The following TRPV4 variants were observed in gnomAD, a reference collection of about 807,000 sequenced individuals.
The protein encoded by TRPV4 is transient receptor potential cation channel subfamily V member 4.
Under a neutral mutation model 84.1 loss-of-function variants are expected in TRPV4, and 58 were observed. The observed-to-expected ratio is 0.69, with a 90% CI of 0.56 to 0.86. The LOEUF is 0.86. Among genes scored for constraint, TRPV4 ranks in the 40% least tolerant of loss-of-function variants. The pLI is 0.00. For missense variants in TRPV4, 879 were observed against 1,181.1 expected, an observed-to-expected ratio of 0.74 and a Z score of 3.75; for synonymous variants, 489 against 500.9, an observed-to-expected ratio of 0.98 and a Z score of 0.32.
At chr12:109,809,425 GATCCATCC>G (rs138769482) in intron 2 of TRPV4, among the ~76,000 whole-genome samples, 1 of 91,050 alleles carries the variant, frequency 1.1e-5, no homozygotes, top group African/African-American at 4.2e-5. Flanking sequence ...ATCCCTCACT[GATCCATCC>G]ATCCATCCAC....
rs948400720 is a variant in TRPV4 at position 109,783,513 on chromosome 12, C to T, written c.*108G>A. ...CTCCCTGGCACCTCCACTGGTCCCT[C>T]GCCTCTGGGGCCAAAGCAGGGTGTG... is the stretch of plus-strand genomic sequence containing the variant. On this transcript the variant is annotated 3_prime_UTR_variant, in exon 16 of 16. Transcript: ENST00000261740. This position sits in a 1 kb window ranked among gnomAD's most constrained non-coding sequence, Gnocchi z 4.6. The T allele has an allele frequency of 8.9e-6, 13 of 1,454,290 alleles. No homozygotes were observed. Among genetic ancestry groups the T allele is most frequent in the African/African-American group, 2.8e-5 (2 of 71,504 alleles). The allele number at this position is 1,454,290 out of a possible 1,614,324, so 90.1% of individuals were successfully genotyped here.
chr12:109,801,779 A>G (rs1467207873), intron 4 of TRPV4, among the ~76,000 whole-genome samples: 1 of 152,136 alleles, frequency 6.6e-6, no homozygotes, highest in African/African-American at 2.4e-5. Context: ...GCAGTGAGCC[A>G]TGATCACACC....
Position 109,808,390 on chromosome 12 carries a change from A to G in TRPV4, c.465T>C (p.Phe155=), listed in dbSNP as rs776500475. 2.4e-5 allele frequency: 39 copies of G among 1,614,190 alleles called. No individual in the cohort carries two copies. Among genetic ancestry groups the G allele is most frequent in the Non-Finnish European group, 3.0e-5 (35 of 1,180,026 alleles). ...ILKVFNRPIL[F]DIVSRGSTAD... ...CAGTGGAGCCCCGGGACACGATGTC[A>G]AAGAGGATAGGCCGGTTGAAGACTT... is the stretch of plus-strand genomic sequence containing the variant. The change falls in exon 3 of 16, where the codon TTT becomes TTC. Residue 155 remains phenylalanine, a synonymous_variant. Transcript: ENST00000261740.
intron 3 of TRPV4, among the ~76,000 whole-genome samples, chr12:109,804,159 T>C (rs1890981224): frequency 1.3e-5 from 2 of 152,242 alleles, no homozygotes; most frequent in African/African-American, 4.8e-5. Flanking sequence ...CGTTTGGTAC[T>C]AGCGGGTCCT....
chr12:109,791,654 TG>T (rs1385146445), intron 12 of TRPV4, among the ~76,000 whole-genome samples: 1 of 151,312 alleles, frequency 6.6e-6, no homozygotes, highest in East Asian at 2.0e-4. Context: ...GTCTAATTTT[TG>T]TATTTTTTGG....
chr12:109,808,852 T>G (rs1260297277), intron 2 of TRPV4, among the ~76,000 whole-genome samples: 2 of 138,174 alleles, frequency 1.4e-5, no homozygotes, highest in Non-Finnish European at 3.1e-5. Context: ...CATCCATCCA[T>G]CCATCTACCC....
At chr12:109,788,322 G>A (rs1211019977) in intron 13 of TRPV4, 78 bp downstream of exon 13, 22 of 1,433,510 alleles carry the variant, frequency 1.5e-5, no homozygotes, top group Non-Finnish European at 1.8e-5. Flanking sequence ...GTGGAAGGCC[G>A]AGGAAGCCAG....
chr12:109,795,714 A>T (rs2136494577), intron 7 of TRPV4, among the ~76,000 whole-genome samples: 1 of 152,246 alleles, frequency 6.6e-6, no homozygotes, highest in South Asian at 2.1e-4. Context: ...AATACTGCTA[A>T]GTAGGGAAAA....
intron 1 of TRPV4, among the ~76,000 whole-genome samples, chr12:109,817,463 C>A (rs1277321626): frequency 6.6e-6 from 1 of 152,138 alleles, no homozygotes; most frequent in Admixed American, 6.5e-5. Flanking sequence ...TGCCTGCACC[C>A]TCCTCCCCTC....
chr12:109,820,788 G>T (rs1892069881), intron 1 of TRPV4, among the ~76,000 whole-genome samples: 1 of 152,142 alleles, frequency 6.6e-6, no homozygotes, highest in Admixed American at 6.6e-5. Context: ...CTCCCAAAGT[G>T]CTGGGATTAT....
In TRPV4 at chr12:109,799,366, C is replaced by T. The variant is rs181506755; in HGVS notation, c.854-454G>A. ...ATTTCGCCATGTTGGCCAGGCTGGT[C>T]TCAAACTCCTGACCTCAAGTGATCC... On this transcript the variant is annotated intron_variant, in intron 5 of 15. Transcript: ENST00000261740. 7.7e-4 allele frequency among the ~76,000 whole-genome samples: 118 copies of T among 152,302 alleles called. 2 individuals carry two copies. In the East Asian group the frequency reaches 0.018, roughly 23 times the overall value.
At chr12:109,790,588 G>C (rs1465918211) in intron 12 of TRPV4, among the ~76,000 whole-genome samples, 1 of 152,184 alleles carries the variant, frequency 6.6e-6, no homozygotes, top group Non-Finnish European at 1.5e-5. Context: ...CTCCCACTAA[G>C]AAGTGGAGTC....
chr12:109,784,834 C>A (rs1419301800), intron 14 of TRPV4, among the ~76,000 whole-genome samples: 1 of 102,548 alleles, frequency 9.8e-6, no homozygotes, highest in Non-Finnish European at 1.8e-5. Flanking sequence ...AAGCAAGACT[C>A]CATCTCAAAA....
chr12:109,802,367 T>C (rs2136551368), intron 4 of TRPV4, among the ~76,000 whole-genome samples: 1 of 151,218 alleles, frequency 6.6e-6, no homozygotes, highest in East Asian at 1.9e-4. Context: ...AATGGCGCGA[T>C]ATTGGCTCAC....
rs1437623631 is a variant in TRPV4, at chr12:109,823,055, G to A, written c.-31-8228C>T. Among the ~76,000 whole-genome samples the A allele has an allele frequency of 7.2e-5, 11 of 152,194 alleles. No individual in the cohort carries two copies. The South Asian group carries it at 1.7e-3, about 23-fold the overall frequency. On this transcript the variant is annotated intron_variant, in intron 1 of 15. Transcript: ENST00000261740. ...AGCCACCTCGAAGTGGCGGCTGCTG[G>A]GAACAGCCGGCTGGGAGCTCAACTC...
intron 5 of TRPV4, among the ~76,000 whole-genome samples, chr12:109,799,745 G>C (rs1208641697): frequency 6.6e-6 from 1 of 152,018 alleles, no homozygotes; most frequent in Non-Finnish European, 1.5e-5. Context: ...GTGAGGATTT[G>C]GCTTTTTTTT....
intron 3 of TRPV4, among the ~76,000 whole-genome samples, chr12:109,808,050 A>G (rs550382031): frequency 1.2e-4 from 19 of 152,300 alleles, no homozygotes; most frequent in African/African-American, 4.3e-4. Flanking sequence ...TACCCACTAC[A>G]CTAACCTTTT....
At chr12:109,833,062 G>T (rs1046199751) in intron 1 of TRPV4, among the ~76,000 whole-genome samples, 17 of 152,086 alleles carry the variant, frequency 1.1e-4, no homozygotes, top group Non-Finnish European at 2.5e-4. Context: ...CCTGGCTTGG[G>T]GTCTCAGGGA....
At chr12:109,787,145 G>T (rs955297786) in intron 13 of TRPV4, among the ~76,000 whole-genome samples, 3 of 152,194 alleles carry the variant, frequency 2.0e-5, no homozygotes, top group African/African-American at 7.2e-5. Flanking sequence ...CCACGTGTAA[G>T]GGGGCAGCTG....
Sources: gnomAD v4.1 joint callset for allele counts (sites outside exome capture counted in the v4.1 genomes callset) on GRCh38, gnomAD v4.1.1 for gene constraint, Gnocchi (gnomAD v3.1) non-coding constraint, MANE v1.5 for transcripts, NCBI Gene and HGNC (gene_info 2026-07-23, HGNC 2026-07-21) for gene names.